The following SMARCA4 variants were observed in gnomAD, a reference collection of about 807,000 sequenced individuals.
SMARCA4 encodes SWI/SNF related BAF chromatin remodeling complex subunit ATPase 4.
A neutral mutation model predicts 193.9 loss-of-function variants in SMARCA4; 31 were observed. That is an observed-to-expected ratio of 0.16 (90% CI 0.12 to 0.22). The LOEUF (loss-of-function observed/expected upper bound fraction) is 0.22, where lower values mean the gene tolerates loss of function less well. Among genes scored for constraint, SMARCA4 ranks in the 10% least tolerant of loss-of-function variants. SMARCA4 has a pLI of 1.00. For synonymous variants in SMARCA4, 942 were observed against 933.1 expected (o/e 1.01, Z -0.17); for missense variants, 1,148 against 2,296.0 (o/e 0.50, Z 10.22).
chr19:11,038,832 T>C (rs1467338514), intron 29 of SMARCA4, among the ~76,000 whole-genome samples: 1 of 152,226 alleles, frequency 6.6e-6, no homozygotes, highest in Non-Finnish European at 1.5e-5. Context: ...CTCTTAATAT[T>C]GTTCATATTC....
At chr19:11,028,859 C>G (rs760587845) in intron 24 of SMARCA4, among the ~76,000 whole-genome samples, 11 of 148,426 alleles carry the variant, frequency 7.4e-5, no homozygotes, top group Non-Finnish European at 1.2e-4. Flanking sequence ...AGACACGGCT[C>G]AGCCAGTTTG....
Position 11,030,645 on chromosome 19 carries a change from T to C in SMARCA4, c.3383-85T>C, listed in dbSNP as rs2146593724. On this transcript the variant is annotated intron_variant, in intron 24 of 34. Coordinates refer to ENST00000344626, the MANE Select transcript of SMARCA4 (RefSeq NM_003072.5). The surrounding 1 kb of genome is among the most constrained non-coding windows in gnomAD (Gnocchi z 5.5). ...TGCTGGCAGGTGCTGATCCTGCTCC[T>C]GCTCTCAGAAGCAGGTGTTCCTTGG... is the stretch of plus-strand genomic sequence containing the variant. 1.6e-6 allele frequency: 2 copies of C among 1,287,948 alleles called. No individual in the cohort carries two copies. The highest frequency in any genetic ancestry group is 2.2e-6 in the Non-Finnish European group (2 of 913,572). The allele number at this position is 1,287,948 out of a possible 1,614,324, so 79.8% of individuals were successfully genotyped here. A position where few individuals can be genotyped will look rare whatever the true frequency, so the allele number is the denominator to read the frequency against.
chr19:11,011,657 G>A (rs1036772715), intron 15 of SMARCA4: 5 of 152,180 alleles, frequency 3.3e-5, no homozygotes, highest in Non-Finnish European at 7.3e-5. Context: ...TTGAAAGTGG[G>A]CCTGGGCAAC....
chr19:10,982,726 G>C (rs1023845231), intron 1 of SMARCA4, among the ~76,000 whole-genome samples: 1 of 151,928 alleles, frequency 6.6e-6, no homozygotes, highest in Non-Finnish European at 1.5e-5. Context: ...GGATGGTCTC[G>C]ATCTCCTGAC....
At chr19:11,053,408 C>T (rs1362235345) in intron 30 of SMARCA4, among the ~76,000 whole-genome samples, 2 of 147,360 alleles carry the variant, frequency 1.4e-5, no homozygotes, top group Non-Finnish European at 3.0e-5. Flanking sequence ...GCCAAGATTG[C>T]ACCACTGCAC....
At chr19:11,061,202 AAAATATAT>A (rs1439037501) in intron 34 of SMARCA4, among the ~76,000 whole-genome samples, 23 of 61,434 alleles carry the variant, frequency 3.7e-4, no homozygotes, top group East Asian at 9.2e-4. Context: ...AAAAAAAAAA[AAAATATAT>A]ATATATATAT....
chr19:11,020,069 GTCCC>G (rs1460159899), intron 18 of SMARCA4, among the ~76,000 whole-genome samples: 1 of 152,150 alleles, frequency 6.6e-6, no homozygotes, highest in African/African-American at 2.4e-5. Context: ...TGCCTTGGCC[GTCCC>G]TCCCTGGGGC....
chr19:10,983,801 T>C (rs2085765459), intron 1 of SMARCA4: 1 of 429,054 alleles, frequency 2.3e-6, no homozygotes, highest in Non-Finnish European at 4.4e-6. Context: ...GAGAGCAGTG[T>C]GAAGGGTAGA....
rs761729911 is a variant in SMARCA4 at position 11,033,263 on chromosome 19, G to T, written c.3547-27G>T. On this transcript the variant is annotated intron_variant, in intron 25 of 34. Transcript: ENST00000344626. This position sits in a 1 kb window ranked among gnomAD's most constrained non-coding sequence, Gnocchi z 9.8. ...CTTTTATGACCTCCTGGGCTCCTTT[G>T]GGACTGACTGGCACCTCTTCCCCCA... 6.3e-7 allele frequency: 1 copy of T among 1,585,088 alleles called. No individual in the cohort carries two copies. The highest frequency in any genetic ancestry group is 1.1e-5 in the South Asian group (1 of 90,488).
At chr19:11,060,368 C>A in intron 34 of SMARCA4, 181 bp downstream of exon 34, 1 of 753,980 alleles carries the variant, frequency 1.3e-6, no homozygotes, top group Non-Finnish European at 2.2e-6. Context: ...GGCTGCCACT[C>A]AAAGCCAAGC....
chr19:11,048,505 G>A (rs899861022), intron 30 of SMARCA4, among the ~76,000 whole-genome samples: 5 of 152,166 alleles, frequency 3.3e-5, no homozygotes, highest in African/African-American at 1.2e-4. Flanking sequence ...GTGTAGACCT[G>A]AGTTCTAACA....
At chr19:11,057,831 GGT>G (rs2076629575) in intron 30 of SMARCA4, among the ~76,000 whole-genome samples, 1 of 152,104 alleles carries the variant, frequency 6.6e-6, no homozygotes, top group South Asian at 2.1e-4. Context: ...GGCCAGGCAT[GGT>G]GGCTCACACC....
intron 16 of SMARCA4, chr19:11,018,383 T>G (rs911584140): frequency 4.2e-6 from 1 of 238,910 alleles, no homozygotes; most frequent in Non-Finnish European, 8.4e-6. Context: ...CCTCCCTCAT[T>G]CCAGCCCTGG....
intron 8 of SMARCA4, 131 bp from the exon 9 acceptor site, chr19:10,994,697 G>T (rs2086865993): frequency 1.3e-6 from 1 of 762,516 alleles, no homozygotes; most frequent in Non-Finnish European, 2.3e-6. Context: ...CTGACCTCGT[G>T]ATCTGCCCTC....
At chr19:11,023,048 G>C (rs1211462190) in intron 19 of SMARCA4, among the ~76,000 whole-genome samples, 1 of 152,130 alleles carries the variant, frequency 6.6e-6, no homozygotes, top group African/African-American at 2.4e-5. Context: ...CTTTCACCTG[G>C]TTCCACCCAG....
At chr19:10,996,591 C>G (rs1237426022) in intron 11 of SMARCA4, 47 bp downstream of exon 11, 1 of 1,558,308 alleles carries the variant, frequency 6.4e-7, no homozygotes, top group Non-Finnish European at 8.9e-7. Flanking sequence ...AGCCCTAAGG[C>G]GTTGGTCTGT....
At chr19:11,016,759 T>G (rs2089401653) in intron 16 of SMARCA4, among the ~76,000 whole-genome samples, 1 of 152,162 alleles carries the variant, frequency 6.6e-6, no homozygotes, top group Non-Finnish European at 1.5e-5. Flanking sequence ...CCATCCAGCT[T>G]TGGCCACTGG....
chr19:10,971,505 TTC>T (rs1491066400), intron 1 of SMARCA4, among the ~76,000 whole-genome samples: 91 of 145,046 alleles, frequency 6.3e-4, no homozygotes, highest in Admixed American at 9.1e-4. Context: ...TTTTTTTTTT[TTC>T]TCTTTGAGAC....
rs1019193 is a variant in SMARCA4 at position 11,026,181 on chromosome 19, C to T, written c.3169-119C>T. 183,516 of 820,462 alleles carry T rather than the reference C, an allele frequency of 0.22. 21,794 individuals carry two copies. Among genetic ancestry groups the T allele is most frequent in the Middle Eastern group, 0.28 (926 of 3,286 alleles). The allele number at this position is 820,462 out of a possible 1,614,324, so 50.8% of individuals were successfully genotyped here. On this transcript the variant is annotated intron_variant, in intron 22 of 34. Transcript: ENST00000344626. The stretch of plus-strand genomic sequence containing the variant: ...TCTGGTCTCAGAGCCGCCGTGGGCC[C>T]GTGCCGAGCACACAGTGTGGGGGCT...
Sources: allele counts gnomAD v4.1 joint callset (sites outside exome capture counted in the v4.1 genomes callset), GRCh38; gene constraint gnomAD v4.1.1; non-coding constraint Gnocchi (gnomAD v3.1); transcripts MANE v1.5; gene names NCBI Gene and HGNC (gene_info 2026-07-23, HGNC 2026-07-21).